Variants in NIPSNAP2 observed in about 807,000 individuals in gnomAD.
NIPSNAP2 encodes the protein nipsnap homolog 2, also known as protein NipSnap homolog 2.
Under a neutral mutation model 48.4 loss-of-function variants are expected in NIPSNAP2, and 42 were observed. The ratio of observed to expected loss-of-function variants is 0.87; its 90% CI spans 0.68 to 1.12. The LOEUF is 1.12. Among genes scored for constraint, NIPSNAP2 ranks in the 50% most tolerant of loss-of-function variants. The pLI is 0.00. For synonymous variants in NIPSNAP2, 158 were observed against 126.6 expected, an observed-to-expected ratio of 1.25 and a Z score of -1.67; for missense variants, 314 against 347.3, an observed-to-expected ratio of 0.90 and a Z score of 0.76.
chr7:55,994,770 G>T, intron 7 of NIPSNAP2, 124 bp from the exon 8 acceptor site: 1 of 760,096 alleles, frequency 1.3e-6, no homozygotes, highest in Non-Finnish European at 2.3e-6. Flanking sequence ...CTTGATACCA[G>T]TTTGATAAAC....
chr7:55,987,005 A>T (rs990502286), intron 7 of NIPSNAP2, among the ~76,000 whole-genome samples: 8 of 143,878 alleles, frequency 5.6e-5, no homozygotes, highest in African/African-American at 2.0e-4. Flanking sequence ...AAAAAAAAAA[A>T]AAAAACTTGC....
chr7:55,984,766 G>C (rs1483277505), intron 6 of NIPSNAP2, 81 bp from the exon 7 acceptor site: 1 of 1,013,252 alleles, frequency 9.9e-7, no homozygotes, highest in African/African-American at 1.7e-5. Context: ...GTCACTTAAT[G>C]TTTTTTCTAC....
chr7:55,998,848 C>G (rs1191194955), intron 9 of NIPSNAP2, among the ~76,000 whole-genome samples, 160 bp from the exon 10 acceptor site: 7 of 152,194 alleles, frequency 4.6e-5, no homozygotes, highest in Admixed American at 1.3e-4. Context: ...ACAGGGTCCG[C>G]TTGTATATTT....
rs961742915 is a variant in NIPSNAP2 at position 55,964,592 on chromosome 7, G to A, written c.-18G>A. The A allele has an allele frequency of 2.0e-6, 2 of 999,226 alleles. No individual in the cohort carries two copies. The highest frequency in any genetic ancestry group is 1.8e-5 in the African/African-American group (1 of 57,118). 61.9% of individuals were successfully genotyped at this position (999,226 alleles called of 1,614,324 possible). A position where few individuals can be genotyped will look rare whatever the true frequency, so the allele number is the denominator to read the frequency against. On this transcript the variant is annotated 5_prime_UTR_variant, in exon 1 of 10. Coordinates refer to ENST00000322090, the MANE Select transcript of NIPSNAP2 (RefSeq NM_001483.3). ...CAGCGGCGGCGCCCGGGCGGTGGGA[G>A]CCGAGGCGCCGAGCAAGATGGCGGC...
intron 1 of NIPSNAP2, among the ~76,000 whole-genome samples, chr7:55,969,954 G>T (rs1194961957): frequency 6.8e-6 from 1 of 147,104 alleles, no homozygotes; most frequent in Non-Finnish European, 1.5e-5. Flanking sequence ...CTGCACTCCA[G>T]CCTGGGCGAC....
chr7:55,979,984 C>T, intron 3 of NIPSNAP2: 1 of 392,850 alleles, frequency 2.5e-6, no homozygotes, highest in East Asian at 7.2e-5. Flanking sequence ...AACCTGGGCC[C>T]CGTTGCCAGG....
chr7:55,981,346 A>G, intron 3 of NIPSNAP2, 127 bp from the exon 4 acceptor site: 1 of 660,162 alleles, frequency 1.5e-6, no homozygotes, highest in East Asian at 2.6e-5. Context: ...CCGTTTTATC[A>G]TGATGTTCTA....
intron 7 of NIPSNAP2, among the ~76,000 whole-genome samples, chr7:55,985,693 C>T (rs747462882): frequency 1.1e-4 from 16 of 150,790 alleles, no homozygotes; most frequent in Admixed American, 3.3e-4. Context: ...TTGCAGTGAG[C>T]CAAGATTGCA....
At chr7:55,978,879 T>TACGGCGA in intron 3 of NIPSNAP2, 2 of 154,108 alleles carry the variant, frequency 1.3e-5, no homozygotes, top group Non-Finnish European at 2.9e-5. Context: ...TTCTCCAGGA[T>TACGGCGA]CCAAGTCCCT....
intron 1 of NIPSNAP2, among the ~76,000 whole-genome samples, chr7:55,971,075 G>A (rs1200722605): frequency 6.6e-6 from 1 of 152,140 alleles, no homozygotes; most frequent in Non-Finnish European, 1.5e-5. Flanking sequence ...TTTGTATAGT[G>A]CACCCTTCCT....
chr7:55,984,917 G>T, intron 7 of NIPSNAP2, 39 bp downstream of exon 7: 1 of 1,532,858 alleles, frequency 6.5e-7, no homozygotes. Flanking sequence ...TAAGTCTTGT[G>T]AATAGATTAG....
At chr7:55,983,385 T>C (rs1401216658) in intron 5 of NIPSNAP2, among the ~76,000 whole-genome samples, 1 of 152,242 alleles carries the variant, frequency 6.6e-6, no homozygotes, top group African/African-American at 2.4e-5. Context: ...AAATAGGTTT[T>C]GAATTATCTG....
chr7:55,978,585 C>T (rs1423294982), intron 3 of NIPSNAP2, 190 bp downstream of exon 3: 4 of 586,410 alleles, frequency 6.8e-6, no homozygotes, highest in Non-Finnish European at 6.0e-6. Context: ...ACTCACACAG[C>T]TAAATCATCA....
At chr7:55,973,596 T>C (rs1358486731) in intron 1 of NIPSNAP2, among the ~76,000 whole-genome samples, 2 of 151,808 alleles carry the variant, frequency 1.3e-5, no homozygotes, top group Non-Finnish European at 2.9e-5. Flanking sequence ...TACCTCAGCC[T>C]CCTGAGTAGC....
intron 8 of NIPSNAP2, among the ~76,000 whole-genome samples, chr7:55,995,846 C>T (rs1327132799): frequency 1.3e-5 from 2 of 152,118 alleles, no homozygotes; most frequent in Non-Finnish European, 2.9e-5. Flanking sequence ...TCTGCCCTGT[C>T]GGGAGGACTC....
At chr7:55,967,197 C>T (rs1430576588) in intron 1 of NIPSNAP2, among the ~76,000 whole-genome samples, 4 of 152,256 alleles carry the variant, frequency 2.6e-5, no homozygotes, top group African/African-American at 9.6e-5. Context: ...ACTCCTCTTC[C>T]TTCTGTGAAG....
chr7:55,997,280 C>T (rs1787580836), intron 8 of NIPSNAP2, 86 bp from the exon 9 acceptor site: 1 of 955,966 alleles, frequency 1.0e-6, no homozygotes, highest in South Asian at 1.3e-5. Flanking sequence ...ACTAGATGTC[C>T]AGGTGAAGCA....
chr7:55,998,929 C>A, intron 9 of NIPSNAP2, 79 bp from the exon 10 acceptor site: 1 of 1,170,816 alleles, frequency 8.5e-7, no homozygotes, highest in Non-Finnish European at 1.3e-6. Flanking sequence ...TGAACATTCT[C>A]GGCAATCTGT....
chr7:55,982,284 A>C lies in NIPSNAP2; in HGVS notation c.444+4A>C. 1 of 1,559,706 alleles carries C rather than the reference A, an allele frequency of 6.4e-7. No individual in the cohort carries two copies. The highest frequency in any genetic ancestry group is 8.8e-7 in the Non-Finnish European group (1 of 1,132,322). The stretch of plus-strand genomic sequence containing the variant: ...GAATAAACTCAGAGAAAATAAGGTA[A>C]TGATATTGAAAAATGTTTACTTAGA... On this transcript the variant is annotated splice_donor_region_variant and intron_variant, in intron 5 of 9. Coordinates refer to ENST00000322090, the MANE Select transcript of NIPSNAP2 (RefSeq NM_001483.3).
Sources: allele counts gnomAD v4.1 joint callset (sites outside exome capture counted in the v4.1 genomes callset), GRCh38; gene constraint gnomAD v4.1.1; transcripts MANE v1.5; gene names NCBI Gene and HGNC (gene_info 2026-07-23, HGNC 2026-07-21).